The following GPLD1 variants were observed in gnomAD, a reference collection of about 807,000 sequenced individuals.
GPLD1 encodes glycosylphosphatidylinositol specific phospholipase D1.
In GPLD1, 84 loss-of-function variants were observed where a neutral mutation model predicts 112.6. The observed-to-expected ratio is 0.75, with a 90% CI of 0.63 to 0.89. The LOEUF is 0.89. Among genes scored for constraint, GPLD1 ranks in the 40% least tolerant of loss-of-function variants. The probability of loss-of-function intolerance (pLI) is 0.00; values close to 1 mark genes in which losing one functional copy is unlikely to be tolerated. For missense variants in GPLD1, 1,044 were observed against 1,051.5 expected (o/e 0.99, Z 0.10); for synonymous variants, 386 against 403.8 (o/e 0.96, Z 0.53).
intron 20 of GPLD1, among the ~76,000 whole-genome samples, chr6:24,444,431 TA>T (rs1399014293): frequency 2.6e-5 from 4 of 152,094 alleles, no homozygotes; most frequent in Non-Finnish European, 4.4e-5. Context: ...TATTTCCTTG[TA>T]TTTTCAGAAG....
At chr6:24,473,420 T>C (rs536930103) in intron 6 of GPLD1, 199 bp downstream of exon 6, 12 of 391,670 alleles carry the variant, frequency 3.1e-5, no homozygotes, top group African/African-American at 2.0e-4. Flanking sequence ...AACAAAAAAA[T>C]ACATATAGAC....
intron 17 of GPLD1, 101 bp downstream of exon 17, chr6:24,447,776 T>C (rs1338916392): frequency 1.9e-6 from 2 of 1,065,446 alleles, no homozygotes; most frequent in Non-Finnish European, 2.7e-6. Flanking sequence ...GTTGGTGAAA[T>C]GATATGGAAT....
downstream of GPLD1, chr6:24,424,585 G>C (rs1762165120): frequency 6.6e-6 from 1 of 152,114 alleles, no homozygotes; most frequent in South Asian, 2.1e-4. Flanking sequence ...AGAGATTTGG[G>C]TTTAAAACAA....
intron 2 of GPLD1, among the ~76,000 whole-genome samples, chr6:24,482,097 ATTTT>A (rs66567770): frequency 6.8e-5 from 7 of 103,204 alleles, no homozygotes; most frequent in South Asian, 6.3e-4. Flanking sequence ...GTATTTTTGG[ATTTT>A]TTTTTTTTTT....
At chr6:24,442,101 TA>T (rs1706549363) in intron 20 of GPLD1, among the ~76,000 whole-genome samples, 1 of 150,136 alleles carries the variant, frequency 6.7e-6, no homozygotes, top group Admixed American at 6.7e-5. Flanking sequence ...ACATAAAAGT[TA>T]TAATTAAACT....
chr6:24,451,017 T>C (rs1455977255), intron 14 of GPLD1, among the ~76,000 whole-genome samples: 1 of 152,164 alleles, frequency 6.6e-6, no homozygotes, highest in African/African-American at 2.4e-5. Flanking sequence ...AAATAAAAAT[T>C]CAGTTTTTCA....
intron 7 of GPLD1, among the ~76,000 whole-genome samples, chr6:24,468,563 T>TTA (rs987866253): frequency 1.8e-4 from 27 of 151,584 alleles, no homozygotes; most frequent in African/African-American, 5.6e-4. Context: ...TTATTTTTAT[T>TTA]TTTTTTTTGA....
At position 24,454,217 on chromosome 6, in the gene GPLD1, GGA is replaced by G; in HGVS notation, c.1149-18_1149-17del. 6.3e-7 allele frequency: 1 copy of G among 1,596,738 alleles called. No homozygotes were observed. Among genetic ancestry groups the G allele is most frequent in the Non-Finnish European group, 8.5e-7 (1 of 1,169,652 alleles). Reference sequence around the variant, plus strand: ...GGTCATTGCCCTTAGGGAAGTGAAGGGACCCACCATGGTATGCACTGAGCACT... The same window carrying G: ...GGTCATTGCCCTTAGGGAAGTGAAGGCCCACCATGGTATGCACTGAGCACT... On this transcript the variant is annotated splice_polypyrimidine_tract_variant and intron_variant, in intron 13 of 24. Coordinates refer to ENST00000230036, the MANE Select transcript of GPLD1 (RefSeq NM_001503.4).
At chr6:24,436,862 G>T in intron 21 of GPLD1, 126 bp from the exon 22 acceptor site, 2 of 958,494 alleles carry the variant, frequency 2.1e-6, no homozygotes, top group South Asian at 1.7e-5. Context: ...AGTCGGCTGT[G>T]ATTTCATCCT....
In GPLD1 at chr6:24,446,949, G is replaced by A. The variant is rs111652998; in HGVS notation, c.1709C>T (p.Thr570Met). The change falls in exon 18 of 25, where the codon ACG (threonine) becomes ATG (methionine). Residue 570 changes from threonine (T) to methionine (M), a missense_variant. Transcript: ENST00000230036. Reference protein sequence around the residue: ...EKLNVEAANWTVRGEEDFSWF... With the variant: ...EKLNVEAANWMVRGEEDFSWF... ...GGAGAAGTCTTCCTCGCCTCTCACCGTCCAGTTGGCTGCCTCCACGTTCAG... is the reference window on the plus strand; with the variant it reads ...GGAGAAGTCTTCCTCGCCTCTCACCATCCAGTTGGCTGCCTCCACGTTCAG... The A allele has an allele frequency of 2.7e-4, 428 of 1,613,246 alleles. 3 individuals carry two copies. The East Asian group carries it at 2.7e-3, about 10-fold the overall frequency.
At chr6:24,431,767 T>TC (rs955846376) in intron 24 of GPLD1, among the ~76,000 whole-genome samples, 1 of 151,468 alleles carries the variant, frequency 6.6e-6, no homozygotes, top group Non-Finnish European at 1.5e-5. Flanking sequence ...ACTCCTGACC[T>TC]CAGGCGATCC....
upstream of GPLD1, among the ~76,000 whole-genome samples, chr6:24,490,124 C>T (rs145433982): frequency 5.1e-4 from 77 of 152,328 alleles, no homozygotes; most frequent in African/African-American, 1.8e-3. Context: ...GGTCTCTCTA[C>T]CTCTGGCTGT....
intron 5 of GPLD1, among the ~76,000 whole-genome samples, chr6:24,473,883 G>A (rs1368253838): frequency 6.6e-6 from 1 of 152,134 alleles, no homozygotes; most frequent in Non-Finnish European, 1.5e-5. Flanking sequence ...CCAGCACTTT[G>A]GGAGGTTGAG....
At chr6:24,479,799 TA>T in intron 3 of GPLD1, 81 bp downstream of exon 3, 1 of 208,702 alleles carries the variant, frequency 4.8e-6, no homozygotes, top group South Asian at 5.6e-5. Flanking sequence ...TGTACACACA[TA>T]TATATATATT....
Position 24,467,183 on chromosome 6 carries a change from TATGTGAACA to T in GPLD1, c.628_636del (p.Cys210_His212del). The T allele has an allele frequency of 6.3e-7, 1 of 1,576,516 alleles. No individual in the cohort carries two copies. Among genetic ancestry groups the T allele is most frequent in the South Asian group, 1.1e-5 (1 of 90,278 alleles). ...TACGCTTACATTTCTAAGAACTGGA[TATGTGAACA>T]ATCAACGATTACATTTTCGGTGATG... On this transcript the variant is annotated inframe_deletion, in exon 8 of 25. Coordinates refer to ENST00000230036, the MANE Select transcript of GPLD1 (RefSeq NM_001503.4).
In GPLD1 at chr6:24,428,751, A is replaced by G. The variant is rs1664438659; in HGVS notation, c.*281T>C. 1 of 295,582 alleles carries G rather than the reference A, an allele frequency of 3.4e-6. No homozygotes were observed. 18.3% of individuals were successfully genotyped at this position (295,582 alleles called of 1,614,324 possible). Reference sequence around the variant, plus strand: ...TACAGGCAATAAGTTGGGAAAGAAGAAAGGTTTAGATGCAAAGGGAGCGAG... The same window carrying G: ...TACAGGCAATAAGTTGGGAAAGAAGGAAGGTTTAGATGCAAAGGGAGCGAG... On this transcript the variant is annotated 3_prime_UTR_variant, in exon 25 of 25. Coordinates refer to ENST00000230036, the MANE Select transcript of GPLD1 (RefSeq NM_001503.4).
chr6:24,491,089 C>T (rs184036422), upstream of GPLD1, among the ~76,000 whole-genome samples: 51 of 152,274 alleles, frequency 3.3e-4, no homozygotes, highest in Admixed American at 1.1e-3. Context: ...CCATGTGACA[C>T]GACAACCAGC....
intron 20 of GPLD1, among the ~76,000 whole-genome samples, chr6:24,440,010 T>TA (rs769310362): frequency 9.9e-5 from 15 of 152,218 alleles, no homozygotes; most frequent in Non-Finnish European, 1.5e-4. Flanking sequence ...ACAAGTGTTT[T>TA]ACTTCTCATG....
intron 14 of GPLD1, among the ~76,000 whole-genome samples, chr6:24,452,973 T>C (rs563165707): frequency 3.1e-4 from 47 of 152,144 alleles, no homozygotes; most frequent in African/African-American, 1.1e-3. Context: ...CCCACACTCA[T>C]TGGTGACTAG....
Sources: allele counts gnomAD v4.1 joint callset (sites outside exome capture counted in the v4.1 genomes callset), GRCh38; gene constraint gnomAD v4.1.1; transcripts MANE v1.5; gene names NCBI Gene and HGNC (gene_info 2026-07-23, HGNC 2026-07-21).